The following LDLRAD3 variants were observed in gnomAD, a reference collection of about 807,000 sequenced individuals.
LDLRAD3 encodes low density lipoprotein receptor class A domain containing 3.
Under a neutral mutation model 29.4 loss-of-function variants are expected in LDLRAD3, and 20 were observed. The ratio of observed to expected loss-of-function variants is 0.68; its 90% CI spans 0.48 to 0.99. LDLRAD3 has a LOEUF of 0.99. Ranked by LOEUF, LDLRAD3 falls within the 50% of genes least tolerant of loss-of-function variation. The pLI, the probability that LDLRAD3 is intolerant of heterozygous loss-of-function variation, is 0.00. For missense variants in LDLRAD3, 420 were observed against 454.3 expected (o/e 0.92, Z 0.69); for synonymous variants, 157 against 192.7 (o/e 0.81, Z 1.53).
chr11:36,226,940 A>G (rs1590370992), intron 4 of LDLRAD3, 145 bp from the exon 5 acceptor site: 2 of 630,420 alleles, frequency 3.2e-6, no homozygotes, highest in Non-Finnish European at 5.6e-6. Flanking sequence ...CGGTTGGTGG[A>G]CATTTGGGCG....
intron 2 of LDLRAD3, among the ~76,000 whole-genome samples, chr11:36,039,974 G>T (rs547086858): frequency 9.2e-4 from 140 of 152,324 alleles, no homozygotes; most frequent in African/African-American, 3.3e-3. Context: ...GGCTGATGTG[G>T]AATTTCTGCC....
intron 3 of LDLRAD3, among the ~76,000 whole-genome samples, chr11:36,093,687 C>T (rs7930364): frequency 2.0e-5 from 3 of 152,120 alleles, no homozygotes; most frequent in Admixed American, 6.5e-5. Flanking sequence ...GTTGTACCCA[C>T]GTTCAGTGGT....
intron 3 of LDLRAD3, among the ~76,000 whole-genome samples, chr11:36,084,327 T>C (rs1853164547): frequency 6.6e-6 from 1 of 152,176 alleles, no homozygotes; most frequent in Admixed American, 6.5e-5. Context: ...TTAAAAATAG[T>C]GGTTCTGAAG....
In LDLRAD3 at chr11:36,036,136, A is replaced by G. The variant is rs757479484; in HGVS notation, c.80A>G (p.Asn27Ser). Reference sequence around the variant, plus strand: ...CTGCTCCCCGGGAACAACTTCACCAATGAGTGCAACATACCAGGCAACTTC... The same window carrying G: ...CTGCTCCCCGGGAACAACTTCACCAGTGAGTGCAACATACCAGGCAACTTC... ...SQLLPGNNFT[N>S]ECNIPGNFMC... Residue 27 changes from asparagine to serine, a missense_variant, in exon 2 of 6, where the codon AAT becomes AGT. This residue lies in a region of LDLRAD3 where 224 missense variants were observed against 222.2 expected (regional missense o/e 1.01). Coordinates refer to ENST00000315571, the MANE Select transcript of LDLRAD3 (RefSeq NM_174902.4). 1.1e-5 allele frequency: 18 copies of G among 1,614,058 alleles called. No individual in the cohort carries two copies. The highest frequency in any genetic ancestry group is 3.3e-5 in the Admixed American group (2 of 60,022).
At chr11:36,124,101 T>C (rs1190271960) in intron 4 of LDLRAD3, among the ~76,000 whole-genome samples, 2 of 152,244 alleles carry the variant, frequency 1.3e-5, no homozygotes, top group African/African-American at 4.8e-5. Flanking sequence ...AAGCAACTGA[T>C]GGCAACAGCT....
At chr11:35,969,660 G>T (rs533898703) in intron 1 of LDLRAD3, among the ~76,000 whole-genome samples, 1 of 152,290 alleles carries the variant, frequency 6.6e-6, no homozygotes, top group South Asian at 2.1e-4. Context: ...CATAGGCCCC[G>T]TGTTGCCTTG....
intron 4 of LDLRAD3, among the ~76,000 whole-genome samples, chr11:36,168,061 C>T (rs111486792): frequency 7.2e-5 from 11 of 152,320 alleles, no homozygotes; most frequent in African/African-American, 2.6e-4. Context: ...TCTACTTTCT[C>T]TTCTGGCCCT....
In LDLRAD3 at chr11:36,081,845, G is replaced by T. The variant is rs181273575; in HGVS notation, c.319+67G>T. 5.0e-6 allele frequency: 8 copies of T among 1,590,788 alleles called. No individual in the cohort carries two copies. The African/African-American group carries it at 6.7e-5, about 13-fold the overall frequency. ...CCCGCCAGCCAAACTTGTCCACATT[G>T]GTCACCCTCATCATGTGCTTCTTAT... On this transcript the variant is annotated intron_variant, in intron 3 of 5. Transcript: ENST00000315571.
chr11:36,087,566 A>G (rs1465237290), intron 3 of LDLRAD3, among the ~76,000 whole-genome samples: 1 of 152,170 alleles, frequency 6.6e-6, no homozygotes, highest in Non-Finnish European at 1.5e-5. Flanking sequence ...AAGTTAAAGA[A>G]GTGGTTCTGT....
chr11:36,069,259 C>T (rs778727653), intron 2 of LDLRAD3, among the ~76,000 whole-genome samples: 32 of 152,130 alleles, frequency 2.1e-4, no homozygotes, highest in Non-Finnish European at 3.7e-4. Context: ...CCCGTTTAGC[C>T]CCCAGATTTC....
Position 36,227,186 on chromosome 11 carries a change from G to A in LDLRAD3, c.556G>A (p.Val186Met). Residue 186 changes from valine to methionine, a missense_variant, in exon 5 of 6, where the codon GTG becomes ATG. By Grantham distance (21) the Val-to-Met change is conservative. Coordinates refer to ENST00000315571, the MANE Select transcript of LDLRAD3 (RefSeq NM_174902.4). Reference sequence around the variant, plus strand: ...CGGCAGCTCCGTCATTTTTGTGCTGGTGGTGGCCCTGCTGGCACTGGTCTT... The same window carrying A: ...CGGCAGCTCCGTCATTTTTGTGCTGATGGTGGCCCTGCTGGCACTGGTCTT... Reference protein sequence around the residue: ...IIGSSVIFVLVVALLALVLHH... With the variant: ...IIGSSVIFVLMVALLALVLHH... The A allele has an allele frequency of 6.2e-7, 1 of 1,614,142 alleles. No homozygotes were observed. Among genetic ancestry groups the A allele is most frequent in the Non-Finnish European group, 8.5e-7 (1 of 1,179,994 alleles).
chr11:36,123,048 A>C (rs1244866499), intron 4 of LDLRAD3, among the ~76,000 whole-genome samples: 1 of 152,050 alleles, frequency 6.6e-6, no homozygotes, highest in African/African-American at 2.4e-5. Flanking sequence ...TCAGCCAGAC[A>C]TGATGGCACA....
rs1261868755 is a variant in LDLRAD3, at chr11:36,231,696, G to C, written c.*2299G>C. 1.3e-5 allele frequency: 2 copies of C among 151,908 alleles called. No individual in the cohort carries two copies. Among genetic ancestry groups the C allele is most frequent in the African/African-American group, 4.8e-5 (2 of 41,354 alleles). 9.4% of individuals were successfully genotyped at this position (151,908 alleles called of 1,614,324 possible). A position where few individuals can be genotyped will look rare whatever the true frequency, so the allele number is the denominator to read the frequency against. On this transcript the variant is annotated 3_prime_UTR_variant, in exon 6 of 6. Coordinates refer to ENST00000315571, the MANE Select transcript of LDLRAD3 (RefSeq NM_174902.4). ...TTATTATAGATTTGATTTTTTTAATGAATGTTTTTAAAAATATATAAATAG... is the reference window on the plus strand; with the variant it reads ...TTATTATAGATTTGATTTTTTTAATCAATGTTTTTAAAAATATATAAATAG...
chr11:36,071,112 G>T (rs1852894344), intron 2 of LDLRAD3, among the ~76,000 whole-genome samples: 1 of 152,168 alleles, frequency 6.6e-6, no homozygotes, highest in Non-Finnish European at 1.5e-5. Context: ...ATACACAGAT[G>T]TTAAAATGAA....
intron 1 of LDLRAD3, among the ~76,000 whole-genome samples, chr11:35,982,725 A>T (rs939529124): frequency 1.3e-5 from 2 of 151,962 alleles, no homozygotes; most frequent in African/African-American, 4.8e-5. Flanking sequence ...CAGCTTGAAG[A>T]CAGCTCAGCT....
chr11:36,151,539 A>G (rs12574547), intron 4 of LDLRAD3, among the ~76,000 whole-genome samples: 43,440 of 152,028 alleles, frequency 0.29, 6,688 homozygotes, highest in East Asian at 0.39. Context: ...GCTGGGCTGT[A>G]GTCAACTCAG....
intron 4 of LDLRAD3, among the ~76,000 whole-genome samples, chr11:36,131,738 T>C (rs909146251): frequency 6.6e-6 from 1 of 152,204 alleles, no homozygotes; most frequent in Admixed American, 6.5e-5. Flanking sequence ...TGTCCAAGCA[T>C]GTAATATTGC....
intron 4 of LDLRAD3, among the ~76,000 whole-genome samples, chr11:36,099,507 T>C (rs139176413): frequency 6.6e-6 from 1 of 152,296 alleles, no homozygotes; most frequent in Non-Finnish European, 1.5e-5. Flanking sequence ...TTGACTTATG[T>C]TCAGTGTTCT....
chr11:35,990,425 CT>C (rs377449415), intron 1 of LDLRAD3, among the ~76,000 whole-genome samples: 12 of 149,024 alleles, frequency 8.1e-5, no homozygotes, highest in Admixed American at 1.3e-4. Context: ...CTGCCTCCAT[CT>C]TTTTTTTTTG....
Sources: gnomAD v4.1 joint callset for allele counts (sites outside exome capture counted in the v4.1 genomes callset) on GRCh38, gnomAD v4.1.1 for gene constraint, gnomAD v4.1.1 regional missense constraint, MANE v1.5 for transcripts, NCBI Gene and HGNC (gene_info 2026-07-23, HGNC 2026-07-21) for gene names.